Variants in ZCCHC7 observed in about 807,000 individuals in gnomAD.
The protein encoded by ZCCHC7 is zinc finger CCHC domain-containing protein 7.
A neutral mutation model predicts 52.0 loss-of-function variants in ZCCHC7; 35 were observed. The observed-to-expected ratio is 0.67, with a 90% CI of 0.51 to 0.89. ZCCHC7 has a LOEUF of 0.89. Ranked by LOEUF, ZCCHC7 falls within the 40% of genes least tolerant of loss-of-function variation. The probability of loss-of-function intolerance (pLI) is 0.00; values close to 1 mark genes in which losing one functional copy is unlikely to be tolerated. For missense variants in ZCCHC7, 574 were observed against 649.1 expected, an observed-to-expected ratio of 0.88 and a Z score of 1.26; for synonymous variants, 217 against 221.5, an observed-to-expected ratio of 0.98 and a Z score of 0.18.
At chr9:37,319,551 C>CT (rs767854447) in intron 5 of ZCCHC7, among the ~76,000 whole-genome samples, 9 of 152,100 alleles carry the variant, frequency 5.9e-5, no homozygotes, top group Non-Finnish European at 1.2e-4. Flanking sequence ...CCTCAGCCTC[C>CT]TGAGTTGTTG....
At chr9:37,217,022 A>C (rs888879488) in intron 2 of ZCCHC7, among the ~76,000 whole-genome samples, 1 of 152,116 alleles carries the variant, frequency 6.6e-6, no homozygotes, top group Non-Finnish European at 1.5e-5. Context: ...TTTATTTAAA[A>C]TTTCAATAAT....
rs1825588791 is a variant in ZCCHC7, at chr9:37,310,768, A to G, written c.951+5054A>G. On this transcript the variant is annotated intron_variant, in intron 5 of 8. Coordinates refer to ENST00000336755, the MANE Select transcript of ZCCHC7 (RefSeq NM_032226.3). Reference sequence around the variant, plus strand: ...AACACTCATGACATTGGGGCAACATAGTGAGACTCCCACTCTTTACCAAAA... The same window carrying G: ...AACACTCATGACATTGGGGCAACATGGTGAGACTCCCACTCTTTACCAAAA... 2.0e-5 allele frequency among the ~76,000 whole-genome samples: 3 copies of G among 151,696 alleles called. No individual in the cohort carries two copies. In the South Asian group the frequency reaches 6.2e-4, roughly 32 times the overall value.
rs548256217 is a variant in ZCCHC7, at chr9:37,323,325, T to C, written c.952-4474T>C. Reference sequence around the variant, plus strand: ...CTGATAAACTTTGTGCCTTCATAACTGTACTTAAGTTAGGAGGAGAATATC... The same window carrying C: ...CTGATAAACTTTGTGCCTTCATAACCGTACTTAAGTTAGGAGGAGAATATC... On this transcript the variant is annotated intron_variant, in intron 5 of 8. Transcript: ENST00000336755. Among the ~76,000 whole-genome samples the C allele has an allele frequency of 2.2e-4, 33 of 152,326 alleles. No homozygotes were observed. In the South Asian group the frequency reaches 6.6e-3, roughly 31 times the overall value.
At chr9:37,351,289 CA>C (rs1374161783) in intron 7 of ZCCHC7, among the ~76,000 whole-genome samples, 1 of 152,088 alleles carries the variant, frequency 6.6e-6, no homozygotes, top group Non-Finnish European at 1.5e-5. Context: ...ATCTCCAAAG[CA>C]GAGAAGTTGT....
chr9:37,194,947 CTTTTTT>C (rs1169877667), intron 2 of ZCCHC7, among the ~76,000 whole-genome samples: 4 of 133,500 alleles, frequency 3.0e-5, no homozygotes, highest in African/African-American at 1.1e-4. Flanking sequence ...TCTCTTTTTT[CTTTTTT>C]TTTTTTTTTT....
At chr9:37,187,356 G>C (rs1822718699) in intron 2 of ZCCHC7, among the ~76,000 whole-genome samples, 1 of 152,184 alleles carries the variant, frequency 6.6e-6, no homozygotes, top group Non-Finnish European at 1.5e-5. Context: ...ATACAACCTA[G>C]ATCCCTCGCA....
At chr9:37,155,355 CAA>C (rs1278304468) in intron 2 of ZCCHC7, among the ~76,000 whole-genome samples, 1 of 108,940 alleles carries the variant, frequency 9.2e-6, no homozygotes, top group Admixed American at 9.4e-5. Flanking sequence ...GACTCCGTCT[CAA>C]AAAAAAAAAA....
chr9:37,134,965 G>C (rs1359102187), intron 2 of ZCCHC7, among the ~76,000 whole-genome samples: 2 of 152,074 alleles, frequency 1.3e-5, no homozygotes, highest in Non-Finnish European at 2.9e-5. Flanking sequence ...GACCTCAGGT[G>C]ATCCACCCAC....
intron 2 of ZCCHC7, among the ~76,000 whole-genome samples, chr9:37,195,441 A>G (rs1219675188): frequency 1.3e-5 from 2 of 152,170 alleles, no homozygotes; most frequent in Non-Finnish European, 2.9e-5. Context: ...ATATATGAAA[A>G]ATGCTGCTCA....
intron 2 of ZCCHC7, among the ~76,000 whole-genome samples, chr9:37,189,019 A>C (rs1473508332): frequency 2.0e-5 from 2 of 101,532 alleles, no homozygotes; most frequent in Non-Finnish European, 3.8e-5. Flanking sequence ...TCTCAGATTT[A>C]ATATTTTCTA....
chr9:37,250,300 CT>C lies in ZCCHC7; in HGVS notation c.611-51870del, dbSNP rs1220457810. Among the ~76,000 whole-genome samples, 789 of 132,432 alleles carry C rather than the reference CT, an allele frequency of 6.0e-3. 3 individuals are homozygous for C. Among genetic ancestry groups the C allele is most frequent in the African/African-American group, 0.012 (448 of 36,068 alleles). The allele number at this position is 132,432 out of a possible 152,430, so 86.9% of individuals were successfully genotyped here. A position where few individuals can be genotyped will look rare whatever the true frequency, so the allele number is the denominator to read the frequency against. ...GGAATCAATCTCTCTCTTTCTCTCTCTTTTTTTTTTTTTTTTTTGAGATGGA... is the reference window on the plus strand; with the variant it reads ...GGAATCAATCTCTCTCTTTCTCTCTCTTTTTTTTTTTTTTTTTGAGATGGA... On this transcript the variant is annotated intron_variant, in intron 2 of 8. Coordinates refer to ENST00000336755, the MANE Select transcript of ZCCHC7 (RefSeq NM_032226.3).
intron 6 of ZCCHC7, among the ~76,000 whole-genome samples, chr9:37,331,469 A>T (rs550592605): frequency 6.6e-6 from 1 of 151,618 alleles, no homozygotes; most frequent in Non-Finnish European, 1.5e-5. Context: ...TCTATGCCAT[A>T]CTACAGAGTG....
At chr9:37,307,128 G>A (rs1829365685) in intron 5 of ZCCHC7, among the ~76,000 whole-genome samples, 1 of 151,986 alleles carries the variant, frequency 6.6e-6, no homozygotes. Context: ...ATAGTCTAAG[G>A]AAAGAAGGAC....
chr9:37,350,366 A>G lies in ZCCHC7; in HGVS notation c.1083+914A>G, dbSNP rs924752118. ...AGGCTGGTCTCGAACTGCTGGCCTC[A>G]GATGATCCACCCGCCTCGGCCTCCA... is the stretch of plus-strand genomic sequence containing the variant. On this transcript the variant is annotated intron_variant, in intron 7 of 8. Transcript: ENST00000336755. Among the ~76,000 whole-genome samples the G allele has an allele frequency of 2.0e-4, 30 of 152,256 alleles. No individual in the cohort carries two copies. In the East Asian group the frequency reaches 2.3e-3, roughly 12 times the overall value.
chr9:37,357,141 A>G lies in ZCCHC7; in HGVS notation c.1505A>G (p.His502Arg), dbSNP rs754896768. The G allele has an allele frequency of 1.9e-6, 3 of 1,613,618 alleles. No individual in the cohort carries two copies. The highest frequency in any genetic ancestry group is 2.7e-5 in the African/African-American group (2 of 74,866). ...SKPFHRSSHY[H>R]TSREDKSPKE... is the part of the protein sequence containing the mutation. ...CCCTTTCACCGTTCATCACATTACC[A>G]CACGTCAAGAGAAGACAAGTCTCCC... Residue 502 changes from histidine to arginine, a missense_variant, in exon 9 of 9, where the codon CAC (histidine) becomes CGC (arginine). His to Arg is a conservative substitution (Grantham distance 29). Around this residue, in one of 3 missense-constraint regions of ZCCHC7, gnomAD observed 168 missense variants for 171.6 expected, o/e 0.98. Coordinates refer to ENST00000336755, the MANE Select transcript of ZCCHC7 (RefSeq NM_032226.3).
At chr9:37,133,185 G>T (rs915097001) in intron 2 of ZCCHC7, among the ~76,000 whole-genome samples, 1 of 152,070 alleles carries the variant, frequency 6.6e-6, no homozygotes, top group Admixed American at 6.6e-5. Flanking sequence ...GAAAGTTTAC[G>T]AATTTGTGTT....
chr9:37,280,070 G>A (rs1166047939), intron 2 of ZCCHC7, among the ~76,000 whole-genome samples: 2 of 152,102 alleles, frequency 1.3e-5, no homozygotes, highest in African/African-American at 2.4e-5. Context: ...GAACCCGGGA[G>A]GCGGAGCTTG....
intron 6 of ZCCHC7, among the ~76,000 whole-genome samples, chr9:37,341,533 G>A (rs78050267): frequency 0.051 from 7,718 of 152,202 alleles, 642 homozygotes; most frequent in African/African-American, 0.17. Flanking sequence ...CTCCTAGCCT[G>A]GGGATGGGGT....
chr9:37,234,478 G>T (rs1476113954), intron 2 of ZCCHC7, among the ~76,000 whole-genome samples: 1 of 152,192 alleles, frequency 6.6e-6, no homozygotes, highest in African/African-American at 2.4e-5. Flanking sequence ...TCCAATCAGT[G>T]GGGTCTGATG....
Sources: gnomAD v4.1 joint callset for allele counts (sites outside exome capture counted in the v4.1 genomes callset) on GRCh38, gnomAD v4.1.1 for gene constraint, gnomAD v4.1.1 regional missense constraint, MANE v1.5 for transcripts, NCBI Gene and HGNC (gene_info 2026-07-23, HGNC 2026-07-21) for gene names.